The following RASGRP3 variants were observed in gnomAD, a reference collection of about 807,000 sequenced individuals.
RASGRP3 encodes ras guanyl-releasing protein 3.
Under a neutral mutation model 82.7 loss-of-function variants are expected in RASGRP3, and 54 were observed. The ratio of observed to expected loss-of-function variants is 0.65; its 90% CI spans 0.52 to 0.82. The LOEUF (loss-of-function observed/expected upper bound fraction) is 0.82, where lower values mean the gene tolerates loss of function less well. RASGRP3 is among the 40% of genes least tolerant of loss of function. The pLI, the probability that RASGRP3 is intolerant of heterozygous loss-of-function variation, is 0.00. For synonymous variants in RASGRP3, 309 were observed against 300.5 expected, an observed-to-expected ratio of 1.03 and a Z score of -0.29; for missense variants, 861 against 828.9, an observed-to-expected ratio of 1.04 and a Z score of -0.48.
intron 2 of RASGRP3, among the ~76,000 whole-genome samples, chr2:33,457,098 T>C (rs1666082984): frequency 2.0e-5 from 3 of 152,000 alleles, no homozygotes; most frequent in Admixed American, 6.6e-5. Context: ...CTCAAACTCC[T>C]GGCCTCAAGT....
chr2:33,471,947 T>G (rs1667083372), upstream of RASGRP3, among the ~76,000 whole-genome samples: 1 of 152,184 alleles, frequency 6.6e-6, no homozygotes, highest in Admixed American at 6.5e-5. Context: ...GGGGTCTTTT[T>G]GACTTACACT....
chr2:33,525,349 T>TAA (rs976192843), intron 9 of RASGRP3, among the ~76,000 whole-genome samples: 5 of 151,164 alleles, frequency 3.3e-5, no homozygotes, highest in Non-Finnish European at 7.4e-5. Flanking sequence ...TGAATATATA[T>TAA]ATATATATTA....
intron 2 of RASGRP3, among the ~76,000 whole-genome samples, chr2:33,468,004 C>CTT (rs1349212548): frequency 8.2e-6 from 1 of 122,424 alleles, no homozygotes; most frequent in African/African-American, 5.5e-5. Context: ...TTCTTTCTTT[C>CTT]TTTCTTTCTT....
At chr2:33,559,711 A>C (rs1676438442) in intron 17 of RASGRP3, 2 of 496,632 alleles carry the variant, frequency 4.0e-6, no homozygotes. Flanking sequence ...GATATTCCTA[A>C]CATTTAAAGC....
chr2:33,487,235 G>T (rs537980304), intron 1 of RASGRP3, among the ~76,000 whole-genome samples: 4 of 152,236 alleles, frequency 2.6e-5, no homozygotes, highest in Non-Finnish European at 4.4e-5. Context: ...TATTATTGTA[G>T]TTTGTCAAGT....
intron 3 of RASGRP3, among the ~76,000 whole-genome samples, chr2:33,515,698 C>T (rs879358752): frequency 2.0e-5 from 3 of 152,308 alleles, no homozygotes; most frequent in African/African-American, 7.2e-5. Context: ...TACATTCATA[C>T]ACGTCATATC....
At chr2:33,510,589 GT>G (rs1670839969) in intron 1 of RASGRP3, among the ~76,000 whole-genome samples, 1 of 152,048 alleles carries the variant, frequency 6.6e-6, no homozygotes, top group Admixed American at 6.6e-5. Flanking sequence ...CTACAAATTG[GT>G]CCTCTACTTC....
At chr2:33,554,440 G>C (rs1574494859) in intron 14 of RASGRP3, among the ~76,000 whole-genome samples, 1 of 152,106 alleles carries the variant, frequency 6.6e-6, no homozygotes, top group East Asian at 1.9e-4. Context: ...CCCCATGCAA[G>C]AGGTGTGGGG....
At chr2:33,545,980 T>C (rs1558512391) in intron 13 of RASGRP3, among the ~76,000 whole-genome samples, 1 of 150,608 alleles carries the variant, frequency 6.6e-6, no homozygotes, top group African/African-American at 2.4e-5. Flanking sequence ...TTTTTTTTTC[T>C]TTTTTTTTCA....
At chr2:33,562,621 A>T (rs1441820930) in intron 17 of RASGRP3, 108 bp from the exon 18 acceptor site, 2 of 1,246,934 alleles carry the variant, frequency 1.6e-6, no homozygotes, top group Non-Finnish European at 2.3e-6. Flanking sequence ...CAAGGTACTG[A>T]TCATTTCAGA....
intron 3 of RASGRP3, 44 bp from the exon 4 acceptor site, chr2:33,516,498 A>T (rs575064266): frequency 7.5e-7 from 1 of 1,324,974 alleles, no homozygotes; most frequent in East Asian, 2.5e-5. Flanking sequence ...AAAGTAAAGA[A>T]TAGCACTATT....
intron 17 of RASGRP3, among the ~76,000 whole-genome samples, chr2:33,561,342 C>G (rs937174964): frequency 6.6e-6 from 1 of 152,206 alleles, no homozygotes; most frequent in Admixed American, 6.5e-5. Context: ...GCTAGGATTA[C>G]AGACGTAAGC....
At chr2:33,477,541 G>A (rs1418450735) in intron 1 of RASGRP3, among the ~76,000 whole-genome samples, 1 of 152,190 alleles carries the variant, frequency 6.6e-6, no homozygotes, top group Non-Finnish European at 1.5e-5. Flanking sequence ...ATTAACTCTG[G>A]GAGGCCTGGC....
chr2:33,530,958 T>G (rs1390354546), intron 10 of RASGRP3: 1 of 152,248 alleles, frequency 6.6e-6, no homozygotes, highest in African/African-American at 2.4e-5. Context: ...TGAAATAGTT[T>G]GAATCTTTTC....
chr2:33,458,416 A>G (rs998519720), intron 2 of RASGRP3, among the ~76,000 whole-genome samples: 1 of 152,216 alleles, frequency 6.6e-6, no homozygotes, highest in Non-Finnish European at 1.5e-5. Context: ...TGGTGTAGCC[A>G]TATCAGTTAA....
intron 10 of RASGRP3, chr2:33,530,964 T>A (rs1385441136): frequency 1.3e-5 from 2 of 152,358 alleles, no homozygotes; most frequent in East Asian, 3.9e-4. Context: ...AGTTTGAATC[T>A]TTTCATGGTA....
At position 33,526,363 on chromosome 2, in the gene RASGRP3, C is replaced by G. The variant is rs189581196; in HGVS notation, c.808-774C>G. Among the ~76,000 whole-genome samples, 13 of 152,298 alleles carry G rather than the reference C, an allele frequency of 8.5e-5. 1 individual carries two copies. Among genetic ancestry groups the G allele is most frequent in the Admixed American group, 8.5e-4 (13 of 15,306 alleles). ...TGTGAAGCAACCAACGATAACTTGT[C>G]CATATAAACAACAGGAAGTAAGCCA... is the stretch of plus-strand genomic sequence containing the variant. On this transcript the variant is annotated intron_variant, in intron 9 of 17. Coordinates refer to ENST00000403687, the MANE Select transcript of RASGRP3 (RefSeq NM_001139488.2).
intron 14 of RASGRP3, among the ~76,000 whole-genome samples, chr2:33,553,722 G>T (rs1356970636): frequency 6.6e-6 from 1 of 152,032 alleles, no homozygotes; most frequent in Non-Finnish European, 1.5e-5. Context: ...CTCTGTCCTA[G>T]GAGACATTTG....
intron 17 of RASGRP3, among the ~76,000 whole-genome samples, chr2:33,559,445 CT>C (rs1676398981): frequency 2.6e-5 from 4 of 152,280 alleles, no homozygotes; most frequent in Middle Eastern, 6.8e-3. Context: ...GAATTGGAAA[CT>C]TTTCATTCTG....
Sources: gnomAD v4.1 joint callset for allele counts (sites outside exome capture counted in the v4.1 genomes callset) on GRCh38, gnomAD v4.1.1 for gene constraint, MANE v1.5 for transcripts, NCBI Gene and HGNC (gene_info 2026-07-23, HGNC 2026-07-21) for gene names.